Variants in PRKN observed in about 807,000 individuals in gnomAD.
PRKN encodes parkin RBR E3 ubiquitin protein ligase, also known as E3 ubiquitin-protein ligase parkin.
In PRKN, 56 loss-of-function variants were observed where a neutral mutation model predicts 59.5. The observed-to-expected ratio is 0.94, with a 90% CI of 0.76 to 1.18. The LOEUF is 1.18. PRKN is among the 50% of genes most tolerant of loss of function. PRKN has a pLI of 0.00. For synonymous variants in PRKN, 250 were observed against 222.1 expected, an observed-to-expected ratio of 1.13 and a Z score of -1.12; for missense variants, 657 against 596.4, an observed-to-expected ratio of 1.10 and a Z score of -1.06.
intron 4 of PRKN, among the ~76,000 whole-genome samples, chr6:162,119,542 T>C (rs1780817905): frequency 6.6e-6 from 1 of 152,148 alleles, no homozygotes; most frequent in Admixed American, 6.5e-5. Context: ...AACTTCCTTA[T>C]TCCTGTCTGC....
chr6:161,441,895 C>T (rs964777539), intron 9 of PRKN, among the ~76,000 whole-genome samples: 1 of 152,018 alleles, frequency 6.6e-6, no homozygotes, highest in East Asian at 1.9e-4. Context: ...GAGCGTCTGG[C>T]GGCTGGCAAA....
At chr6:162,706,340 G>A (rs887989432) in intron 1 of PRKN, among the ~76,000 whole-genome samples, 1 of 152,166 alleles carries the variant, frequency 6.6e-6, no homozygotes, top group South Asian at 2.1e-4. Context: ...TCACTTAGGA[G>A]TTCTGGTCTG....
At chr6:162,285,241 AG>A (rs1217751983) in intron 2 of PRKN, among the ~76,000 whole-genome samples, 1 of 149,250 alleles carries the variant, frequency 6.7e-6, no homozygotes, top group Non-Finnish European at 1.5e-5. Context: ...GGCATGTATC[AG>A]GGATCTTCAC....
At position 162,098,030 on chromosome 6, in the gene PRKN, C is replaced by T. The variant is rs149314890; in HGVS notation, c.535-43856G>A. 6.3e-3 allele frequency among the ~76,000 whole-genome samples: 964 copies of T among 152,296 alleles called. 5 individuals are homozygous for T. The highest frequency in any genetic ancestry group is 0.022 in the African/African-American group (934 of 41,566). On this transcript the variant is annotated intron_variant, in intron 4 of 11. Coordinates refer to ENST00000366898, the MANE Select transcript of PRKN (RefSeq NM_004562.3). ...TGCACAACACTCCCTGAGGACAAGG[C>T]TCATGGTTAATAGTGGTGGATATGA...
At chr6:161,723,039 C>T (rs1002775099) in intron 7 of PRKN, among the ~76,000 whole-genome samples, 2 of 152,118 alleles carry the variant, frequency 1.3e-5, no homozygotes, top group African/African-American at 2.4e-5. Flanking sequence ...GAGGCCAAGG[C>T]GGGTGGATCA....
intron 6 of PRKN, among the ~76,000 whole-genome samples, chr6:161,856,424 T>C (rs1475550724): frequency 6.6e-6 from 1 of 151,096 alleles, no homozygotes; most frequent in Non-Finnish European, 1.5e-5. Flanking sequence ...AGAGCTTCTG[T>C]AGGATGAAAA....
chr6:161,380,474 T>G (rs1405710216), intron 10 of PRKN, among the ~76,000 whole-genome samples: 5 of 146,442 alleles, frequency 3.4e-5, no homozygotes, highest in African/African-American at 5.1e-5. Flanking sequence ...CACTGTTGCC[T>G]GGGCTGGAGT....
chr6:162,055,077 G>A (rs1042632079), intron 4 of PRKN, among the ~76,000 whole-genome samples: 1 of 152,136 alleles, frequency 6.6e-6, no homozygotes, highest in East Asian at 1.9e-4. Context: ...TAGGAGAATC[G>A]CTTGAATGCA....
chr6:161,946,436 T>G (rs989285001), intron 6 of PRKN, among the ~76,000 whole-genome samples: 99 of 149,884 alleles, frequency 6.6e-4, no homozygotes, highest in African/African-American at 2.3e-3. Flanking sequence ...TCTCTCTCTC[T>G]CTCTCTCTCT....
At chr6:162,584,220 A>T (rs1442041972) in intron 1 of PRKN, among the ~76,000 whole-genome samples, 4 of 99,128 alleles carry the variant, frequency 4.0e-5, no homozygotes, top group Non-Finnish European at 8.9e-5. Context: ...CTCAAAAAAA[A>T]AAAACAAAAA....
At chr6:161,732,880 A>G (rs1052957252) in intron 7 of PRKN, among the ~76,000 whole-genome samples, 2 of 152,188 alleles carry the variant, frequency 1.3e-5, no homozygotes, top group Non-Finnish European at 2.9e-5. Flanking sequence ...CAGTGAGCAG[A>G]TTGAGTTTGC....
intron 6 of PRKN, among the ~76,000 whole-genome samples, chr6:161,907,084 A>G (rs1177062471): frequency 1.3e-5 from 2 of 152,152 alleles, no homozygotes; most frequent in African/African-American, 4.8e-5. Flanking sequence ...AGTCCAATCA[A>G]GTTGACACTC....
chr6:162,621,242 AT>A (rs1342171902), intron 1 of PRKN, among the ~76,000 whole-genome samples: 2 of 152,134 alleles, frequency 1.3e-5, no homozygotes, highest in Non-Finnish European at 2.9e-5. Context: ...TGGCCACATA[AT>A]TTGCTTTGGC....
chr6:162,595,616 A>G (rs1041767805), intron 1 of PRKN, among the ~76,000 whole-genome samples: 1 of 152,056 alleles, frequency 6.6e-6, no homozygotes, highest in Non-Finnish European at 1.5e-5. Flanking sequence ...TTTTTTAAAT[A>G]TCTTTAGTGT....
chr6:162,564,935 T>C (rs960972002), intron 1 of PRKN, among the ~76,000 whole-genome samples: 2 of 150,382 alleles, frequency 1.3e-5, no homozygotes, highest in African/African-American at 4.9e-5. Flanking sequence ...TCACTGGTAA[T>C]AGTAAGTACA....
chr6:161,839,839 T>G (rs1328750887), intron 6 of PRKN, among the ~76,000 whole-genome samples: 2 of 152,202 alleles, frequency 1.3e-5, no homozygotes, highest in East Asian at 3.9e-4. Flanking sequence ...CATACCCGTG[T>G]GCAAATACAC....
chr6:162,450,755 T>C (rs1790587803), intron 1 of PRKN, among the ~76,000 whole-genome samples: 1 of 151,950 alleles, frequency 6.6e-6, no homozygotes, highest in Non-Finnish European at 1.5e-5. Flanking sequence ...ACTGTTAGAG[T>C]CTAAGGGCCT....
rs1010276452 is a variant in PRKN, at chr6:161,526,635, C to A, written c.1083+22219G>T. ...AATCTCAAAGCATCAGTAATTGCTA[C>A]ATGAGGAGCAAACCCTCTGATATAA... On this transcript the variant is annotated intron_variant, in intron 9 of 11. Transcript: ENST00000366898. This position sits in a 1 kb window ranked among gnomAD's most constrained non-coding sequence, Gnocchi z 4.1. Among the ~76,000 whole-genome samples the A allele has an allele frequency of 2.6e-5, 4 of 151,324 alleles. No individual in the cohort carries two copies. Among genetic ancestry groups the A allele is most frequent in the African/African-American group, 9.7e-5 (4 of 41,292 alleles).
chr6:161,724,509 G>T (rs1787359956), intron 7 of PRKN, among the ~76,000 whole-genome samples: 1 of 152,196 alleles, frequency 6.6e-6, no homozygotes, highest in African/African-American at 2.4e-5. Context: ...AGTACTGCTG[G>T]TTACATTTGC....
Sources: gnomAD v4.1 joint callset for allele counts (sites outside exome capture counted in the v4.1 genomes callset) on GRCh38, gnomAD v4.1.1 for gene constraint, Gnocchi (gnomAD v3.1) non-coding constraint, MANE v1.5 for transcripts, NCBI Gene and HGNC (gene_info 2026-07-23, HGNC 2026-07-21) for gene names.